AGL: variants seen among roughly 807,000 people sequenced by gnomAD.
AGL encodes amylo-alpha-1,6-glucosidase and 4-alpha-glucanotransferase.
AGL carries 128 observed loss-of-function variants against 199.3 expected under a neutral mutation model. That is an observed-to-expected ratio of 0.64 (90% CI 0.56 to 0.74). AGL has a LOEUF of 0.74. Among genes scored for constraint, AGL ranks in the 30% least tolerant of loss-of-function variants. The pLI, the probability that AGL is intolerant of heterozygous loss-of-function variation, is 0.00. For missense variants in AGL, 1,809 were observed against 1,820.8 expected (o/e 0.99, Z 0.12); for synonymous variants, 584 against 594.7 (o/e 0.98, Z 0.26).
In AGL at chr1:99,881,106, A is replaced by G. The variant is rs758082665; in HGVS notation, c.1930A>G (p.Thr644Ala). Reference sequence around the variant, plus strand: ...ATCAGCGTATGATGCTCTTCCAAGTACTACAATTGTTTCTATGGCATGTTG... The same window carrying G: ...ATCAGCGTATGATGCTCTTCCAAGTGCTACAATTGTTTCTATGGCATGTTG... Reference protein sequence around the residue: ...HRSAYDALPSTTIVSMACCAS... With the variant: ...HRSAYDALPSATIVSMACCAS... The change falls in exon 15 of 34, where the codon ACT (threonine) becomes GCT (alanine). Residue 644 changes from threonine to alanine, a missense_variant. Coordinates refer to ENST00000361915, the MANE Select transcript of AGL (RefSeq NM_000642.3). 6.2e-7 allele frequency: 1 copy of G among 1,613,986 alleles called. No homozygotes were observed. Among genetic ancestry groups the G allele is most frequent in the East Asian group, 2.2e-5 (1 of 44,850 alleles).
At chr1:99,893,511 G>C (rs1409650637) in intron 24 of AGL, among the ~76,000 whole-genome samples, 1 of 152,068 alleles carries the variant, frequency 6.6e-6, no homozygotes, top group Non-Finnish European at 1.5e-5. Context: ...TTAGCCATAG[G>C]GGCAAAGGAA....
intron 33 of AGL, among the ~76,000 whole-genome samples, chr1:99,918,699 T>A (rs371509242): frequency 2.6e-4 from 39 of 152,276 alleles, no homozygotes; most frequent in African/African-American, 8.7e-4. Flanking sequence ...GGTGTTTCTG[T>A]AAATGTTTTT....
Position 99,881,185 on chromosome 1 carries a change from T to C in AGL, c.2001+8T>C, listed in dbSNP as rs3736296. On this transcript the variant is annotated splice_region_variant and intron_variant, in intron 15 of 33. Transcript: ENST00000361915. ...GAATTAGTGCCTCATCAGGTTTGTT[T>C]ATATGTTGTTTCTTAAAACCTACAT... 885,247 of 1,612,570 alleles carry C rather than the reference T, an allele frequency of 0.55. 245,309 individuals carry two copies. The highest frequency in any genetic ancestry group is 0.68 in the East Asian group (30,296 of 44,824).
chr1:99,901,007 A>C (rs1653794641), intron 26 of AGL, 146 bp downstream of exon 26: 1 of 763,764 alleles, frequency 1.3e-6, no homozygotes, highest in South Asian at 1.8e-5. Flanking sequence ...ACCTGCTGGT[A>C]CTATAAGTGA....
intron 7 of AGL, among the ~76,000 whole-genome samples, chr1:99,874,257 T>TA (rs34530728): frequency 0.78 from 114,662 of 147,280 alleles, 45,009 homozygotes; most frequent in African/African-American, 0.92. Flanking sequence ...TTAAAGTGTT[T>TA]AAAAAAAAAA....
At position 99,861,793 on chromosome 1, in the gene AGL, G is replaced by A. The variant is rs1650061473; in HGVS notation, c.293+80G>A. On this transcript the variant is annotated intron_variant, in intron 3 of 33. Transcript: ENST00000361915. Reference sequence around the variant, plus strand: ...AGTCACCTAACTTGTAAATGTTACTGTATGAACCATGGCAGTGCAATTTTT... The same window carrying A: ...AGTCACCTAACTTGTAAATGTTACTATATGAACCATGGCAGTGCAATTTTT... The A allele has an allele frequency of 5.3e-6, 8 of 1,509,814 alleles. No homozygotes were observed. In the South Asian group the frequency reaches 6.8e-5, roughly 13 times the overall value. The allele number at this position is 1,509,814 out of a possible 1,614,324, so 93.5% of individuals were successfully genotyped here.
rs532787235 is a variant in AGL, at chr1:99,922,156, A to G, written c.*505A>G. 6.6e-5 allele frequency: 10 copies of G among 152,170 alleles called. No homozygotes were observed. Among genetic ancestry groups the G allele is most frequent in the Admixed American group, 5.9e-4 (9 of 15,276 alleles). 9.4% of individuals were successfully genotyped at this position (152,170 alleles called of 1,614,324 possible). A position where few individuals can be genotyped will look rare whatever the true frequency, so the allele number is the denominator to read the frequency against. Reference sequence around the variant, plus strand: ...TGAATGATAGAAGTTTCCATCTACAATATATGTTCCTAAATGGAGCACAGA... The same window carrying G: ...TGAATGATAGAAGTTTCCATCTACAGTATATGTTCCTAAATGGAGCACAGA... On this transcript the variant is annotated 3_prime_UTR_variant, in exon 34 of 34. Coordinates refer to ENST00000361915, the MANE Select transcript of AGL (RefSeq NM_000642.3).
At position 99,910,768 on chromosome 1, in the gene AGL, C is replaced by T. The variant is rs375531470; in HGVS notation, c.3757C>T (p.Arg1253Cys). 2.5e-6 allele frequency: 4 copies of T among 1,612,320 alleles called. No individual in the cohort carries two copies. Among genetic ancestry groups the T allele is most frequent in the East Asian group, 2.2e-5 (1 of 44,782 alleles). ...AACAGGATTTGTTTATGGAGGAAATCGTTTCAATTGTGGCACATGGATGGA... is the reference window on the plus strand; with the variant it reads ...AACAGGATTTGTTTATGGAGGAAATTGTTTCAATTGTGGCACATGGATGGA... ...EETGFVYGGNRFNCGTWMDKM... is the reference protein window; with the variant it reads ...EETGFVYGGNCFNCGTWMDKM... Residue 1253 changes from arginine (R) to cysteine (C), a missense_variant, in exon 28 of 34, where the codon CGT becomes TGT. Coordinates refer to ENST00000361915, the MANE Select transcript of AGL (RefSeq NM_000642.3).
chr1:99,896,389 G>A lies in AGL; in HGVS notation c.3362+1G>A, dbSNP rs1553189468. On this transcript the variant is annotated splice_donor_variant, in intron 25 of 33. Transcript: ENST00000361915. LOFTEE classifies it high-confidence loss of function. ...TTACTGGACGCTATGTAGAAGCCAG[G>A]TAGGAGAGCCTCTAAAGTGTTGTAC... The A allele has an allele frequency of 6.2e-7, 1 of 1,607,060 alleles. No individual in the cohort carries two copies. The highest frequency in any genetic ancestry group is 8.5e-7 in the Non-Finnish European group (1 of 1,173,634).
intron 2 of AGL, among the ~76,000 whole-genome samples, chr1:99,858,474 A>G (rs969673844): frequency 3.3e-5 from 5 of 152,322 alleles, no homozygotes; most frequent in African/African-American, 1.2e-4. Flanking sequence ...CTCAACTCCC[A>G]TTGTAGCAGG....
chr1:99,916,576 T>A, intron 32 of AGL, 22 bp from the exon 33 acceptor site: 1 of 1,611,120 alleles, frequency 6.2e-7, no homozygotes, highest in Non-Finnish European at 8.5e-7. Context: ...GTTTTTTTTG[T>A]CTTTTAAATA....
At chr1:99,891,454 A>G (rs1304290458) in intron 22 of AGL, 98 bp downstream of exon 22, 1 of 1,521,488 alleles carries the variant, frequency 6.6e-7, no homozygotes, top group African/African-American at 1.4e-5. Flanking sequence ...AACCTGAACC[A>G]TTTTCCTCCT....
At chr1:99,915,511 AAT>A in intron 31 of AGL, 25 bp downstream of exon 31, 1 of 1,554,042 alleles carries the variant, frequency 6.4e-7, no homozygotes, top group Non-Finnish European at 8.9e-7. Context: ...AAGTATTAAG[AAT>A]GTTATCATAT....
At position 99,891,312 on chromosome 1, in the gene AGL, T is replaced by C. The variant is rs1336583652; in HGVS notation, c.2905T>C (p.Tyr969His). The change falls in exon 22 of 34, where the codon TAT (tyrosine) becomes CAT (histidine). Residue 969 changes from tyrosine (Y) to histidine (H), a missense_variant. Transcript: ENST00000361915. The part of the protein sequence containing the change: ...NLRSGDWMID[Y>H]VSNRLISRSG... ...GAGATCTGGAGATTGGATGATTGAC[T>C]ATGTCAGTAACCGGCTTATTTCACG... is the stretch of plus-strand genomic sequence containing the variant. 3.1e-6 allele frequency: 5 copies of C among 1,613,688 alleles called. No homozygotes were observed. The highest frequency in any genetic ancestry group is 4.2e-6 in the Non-Finnish European group (5 of 1,179,768).
intron 2 of AGL, among the ~76,000 whole-genome samples, chr1:99,857,843 G>GGGGGCGC (rs1649679286): frequency 7.4e-6 from 1 of 135,246 alleles, no homozygotes; most frequent in East Asian, 2.4e-4. Context: ...GGAGGGGGAG[G>GGGGGCGC]GGGAGGGGGG....
chr1:99,914,725 A>G (rs1654990556), intron 30 of AGL, among the ~76,000 whole-genome samples: 1 of 152,202 alleles, frequency 6.6e-6, no homozygotes, highest in Non-Finnish European at 1.5e-5. Context: ...AACAATGGGT[A>G]TCAGATGTAC....
rs2100902744 is a variant in AGL, at chr1:99,921,753, C to G, written c.*102C>G. On this transcript the variant is annotated 3_prime_UTR_variant, in exon 34 of 34. Transcript: ENST00000361915. The stretch of plus-strand genomic sequence containing the variant: ...CAGGCTCAAGTTGTTTTAAAAATCT[C>G]ATTTATTATAATATTGATGCTCAAT... 1.3e-6 allele frequency: 1 copy of G among 748,530 alleles called. No individual in the cohort carries two copies. Among genetic ancestry groups the G allele is most frequent in the African/African-American group, 1.8e-5 (1 of 56,904 alleles). The allele number at this position is 748,530 out of a possible 1,614,324, so 46.4% of individuals were successfully genotyped here.
In AGL at chr1:99,892,529, C is replaced by T. The variant is rs766602036; in HGVS notation, c.3181C>T (p.Pro1061Ser). 6.2e-7 allele frequency: 1 copy of T among 1,613,602 alleles called. No individual in the cohort carries two copies. The highest frequency in any genetic ancestry group is 1.1e-5 in the South Asian group (1 of 91,062). Residue 1061 changes from proline to serine, a missense_variant, in exon 24 of 34, where the codon CCT becomes TCT. Coordinates refer to ENST00000361915, the MANE Select transcript of AGL (RefSeq NM_000642.3). ...ATTCCCTTCCCTGCCAATTCTTTCA[C>T]CTGCCCTAATGGATGTACCTTATAG... ...GKFPSLPILSPALMDVPYRLN... is the reference protein window; with the variant it reads ...GKFPSLPILSSALMDVPYRLN...
intron 2 of AGL, among the ~76,000 whole-genome samples, chr1:99,851,915 T>TA (rs3835491): frequency 0.33 from 49,734 of 152,078 alleles, 9,282 homozygotes; most frequent in East Asian, 0.47. Context: ...ATTTCACACA[T>TA]ACAATGTGAT....
Sources: gnomAD v4.1 joint callset for allele counts (sites outside exome capture counted in the v4.1 genomes callset) on GRCh38, gnomAD v4.1.1 for gene constraint, MANE v1.5 for transcripts, NCBI Gene and HGNC (gene_info 2026-07-23, HGNC 2026-07-21) for gene names.